The following CCBE1 variants were observed in gnomAD, a reference collection of about 807,000 sequenced individuals.
CCBE1 encodes the protein collagen and calcium-binding EGF domain-containing protein 1.
A neutral mutation model predicts 50.0 loss-of-function variants in CCBE1; 37 were observed. The ratio of observed to expected loss-of-function variants is 0.74; its 90% CI spans 0.57 to 0.97. CCBE1 has a LOEUF of 0.97. Ranked by LOEUF, CCBE1 falls within the 50% of genes least tolerant of loss-of-function variation. The pLI, the probability that CCBE1 is intolerant of heterozygous loss-of-function variation, is 0.00. For missense variants in CCBE1, 538 were observed against 523.8 expected, an observed-to-expected ratio of 1.03 and a Z score of -0.26; for synonymous variants, 234 against 203.7, an observed-to-expected ratio of 1.15 and a Z score of -1.27.
At chr18:59,561,656 C>G (rs1415453991) in intron 2 of CCBE1, among the ~76,000 whole-genome samples, 1 of 152,146 alleles carries the variant, frequency 6.6e-6, no homozygotes, top group Non-Finnish European at 1.5e-5. Flanking sequence ...CATGGTTTGG[C>G]ATGGCGGGCA....
chr18:59,695,388 T>C (rs2054791792), intron 2 of CCBE1, among the ~76,000 whole-genome samples: 1 of 152,120 alleles, frequency 6.6e-6, no homozygotes, highest in African/African-American at 2.4e-5. Flanking sequence ...TTGAACATAC[T>C]CCTTTCTCCT....
intron 2 of CCBE1, among the ~76,000 whole-genome samples, chr18:59,511,832 T>C (rs1189364573): frequency 2.6e-5 from 4 of 152,152 alleles, no homozygotes; most frequent in South Asian, 2.1e-4. Flanking sequence ...GGGGAATCCA[T>C]GTAAGTTGAA....
At chr18:59,519,384 T>C (rs1436267577) in intron 2 of CCBE1, among the ~76,000 whole-genome samples, 1 of 152,180 alleles carries the variant, frequency 6.6e-6, no homozygotes, top group East Asian at 1.9e-4. Context: ...TGCACACTAA[T>C]ATCACACTAA....
intron 2 of CCBE1, among the ~76,000 whole-genome samples, chr18:59,675,493 C>A (rs1322688786): frequency 6.6e-6 from 1 of 152,194 alleles, no homozygotes; most frequent in East Asian, 1.9e-4. Flanking sequence ...CTCCTCTGAG[C>A]AGCTTCCCTC....
chr18:59,675,790 C>T (rs940705090), intron 2 of CCBE1, among the ~76,000 whole-genome samples: 4 of 152,078 alleles, frequency 2.6e-5, no homozygotes, highest in Non-Finnish European at 5.9e-5. Context: ...GAGGGTGCTG[C>T]TAGAGGAGGT....
At chr18:59,649,710 A>C (rs2054102537) in intron 2 of CCBE1, among the ~76,000 whole-genome samples, 1 of 152,258 alleles carries the variant, frequency 6.6e-6, no homozygotes, top group South Asian at 2.1e-4. Context: ...GGACTGTAAT[A>C]GTAACCTATG....
intron 2 of CCBE1, among the ~76,000 whole-genome samples, chr18:59,680,398 C>G (rs1026748002): frequency 2.0e-5 from 3 of 151,794 alleles, no homozygotes; most frequent in African/African-American, 7.3e-5. Context: ...CCTTTGACAA[C>G]GCATGTAAAG....
At chr18:59,692,550 T>C (rs1225912543) in intron 2 of CCBE1, among the ~76,000 whole-genome samples, 1 of 152,226 alleles carries the variant, frequency 6.6e-6, no homozygotes, top group Admixed American at 6.5e-5. Flanking sequence ...TCCTCAAATG[T>C]GTCCTTACCT....
intron 2 of CCBE1, among the ~76,000 whole-genome samples, chr18:59,671,656 G>A (rs1221695983): frequency 6.6e-6 from 1 of 152,102 alleles, no homozygotes; most frequent in East Asian, 1.9e-4. Flanking sequence ...GAGCTCAATA[G>A]GAAGAGATAA....
chr18:59,483,847 C>G (rs1032002398), intron 2 of CCBE1, among the ~76,000 whole-genome samples: 7 of 152,136 alleles, frequency 4.6e-5, no homozygotes, highest in Admixed American at 2.0e-4. Context: ...TTGAGTGATA[C>G]AGCTAAGGTC....
Position 59,439,533 on chromosome 18 carries a change from T to A in CCBE1, c.951+10A>T. 6.2e-7 allele frequency: 1 copy of A among 1,614,212 alleles called. No individual in the cohort carries two copies. The highest frequency in any genetic ancestry group is 8.5e-7 in the Non-Finnish European group (1 of 1,180,014). On this transcript the variant is annotated intron_variant, in intron 9 of 10. Coordinates refer to ENST00000439986, the MANE Select transcript of CCBE1 (RefSeq NM_133459.4). ...ACCTTTAGCTTGTGAGGACCACTCA[T>A]AAGGCTTACCTTAGAACCATCTCTT... is the stretch of plus-strand genomic sequence containing the variant.
chr18:59,478,694 T>TG (rs1912427617), intron 3 of CCBE1, among the ~76,000 whole-genome samples: 1 of 152,222 alleles, frequency 6.6e-6, no homozygotes, highest in African/African-American at 2.4e-5. Context: ...TTAATTAGGT[T>TG]GGGCAAGGTC....
At chr18:59,617,963 G>A (rs529975665) in intron 2 of CCBE1, among the ~76,000 whole-genome samples, 1 of 152,234 alleles carries the variant, frequency 6.6e-6, no homozygotes, top group East Asian at 1.9e-4. Flanking sequence ...CGTGCCACTC[G>A]CCTCAAAGTA....
chr18:59,455,039 G>C (rs957817884), intron 5 of CCBE1, 88 bp from the exon 6 acceptor site: 9 of 1,030,988 alleles, frequency 8.7e-6, no homozygotes, highest in Non-Finnish European at 1.4e-5. Flanking sequence ...CGGTCCCAGG[G>C]ACAGAGTAGC....
At chr18:59,485,087 A>C (rs564644003) in intron 2 of CCBE1, among the ~76,000 whole-genome samples, 1 of 152,310 alleles carries the variant, frequency 6.6e-6, no homozygotes, top group Non-Finnish European at 1.5e-5. Context: ...GGAGACAATC[A>C]TTCTTAATAC....
intron 2 of CCBE1, among the ~76,000 whole-genome samples, chr18:59,644,790 C>T (rs1321090712): frequency 6.6e-6 from 1 of 152,076 alleles, no homozygotes. Flanking sequence ...CAATGCCTCC[C>T]CATAAAAAAT....
intron 2 of CCBE1, among the ~76,000 whole-genome samples, chr18:59,641,408 G>T (rs1232295860): frequency 6.6e-6 from 1 of 152,080 alleles, no homozygotes; most frequent in South Asian, 2.1e-4. Flanking sequence ...TGTCCATATG[G>T]ACACAAATAA....
chr18:59,595,636 T>G (rs957535444), intron 2 of CCBE1, among the ~76,000 whole-genome samples: 1 of 152,236 alleles, frequency 6.6e-6, no homozygotes, highest in African/African-American at 2.4e-5. Flanking sequence ...AATGAATGAC[T>G]ATTATCAGCT....
chr18:59,510,985 C>G (rs567959376), intron 2 of CCBE1, among the ~76,000 whole-genome samples: 1 of 152,134 alleles, frequency 6.6e-6, no homozygotes, highest in Non-Finnish European at 1.5e-5. Context: ...GTCATTAGTA[C>G]CAGCCCCATT....
Sources: gnomAD v4.1 joint callset for allele counts (sites outside exome capture counted in the v4.1 genomes callset) on GRCh38, gnomAD v4.1.1 for gene constraint, MANE v1.5 for transcripts, NCBI Gene and HGNC (gene_info 2026-07-23, HGNC 2026-07-21) for gene names.